Variants in ACSF3 observed in about 807,000 individuals in gnomAD.
ACSF3 encodes the protein acyl-CoA synthetase family member 3, also known as malonate--CoA ligase ACSF3, mitochondrial.
A neutral mutation model predicts 53.2 loss-of-function variants in ACSF3; 78 were observed. The observed-to-expected ratio is 1.47, with a 90% CI of 1.22 to 1.77. The LOEUF (loss-of-function observed/expected upper bound fraction) is 1.77. Among genes scored for constraint, ACSF3 ranks in the 40% most tolerant of loss-of-function variants. ACSF3 has a pLI of 0.00. For synonymous variants in ACSF3, 414 were observed against 333.1 expected (o/e 1.24, Z -2.65); for missense variants, 937 against 771.1 (o/e 1.22, Z -2.55).
At chr16:89,123,027 G>A (rs923809187) in intron 7 of ACSF3, among the ~76,000 whole-genome samples, 1 of 152,218 alleles carries the variant, frequency 6.6e-6, no homozygotes, top group African/African-American at 2.4e-5. Context: ...AGGTGAAGCC[G>A]CACAGATGCT....
rs901932797 is a variant in ACSF3 at position 89,101,002 on chromosome 16, C to T, written c.321C>T (p.Ser107=). The T allele has an allele frequency of 5.0e-6, 8 of 1,613,600 alleles. No individual in the cohort carries two copies. The African/African-American group carries it at 1.1e-4, about 22-fold the overall frequency. Residue 107 remains serine, a synonymous_variant, in exon 3 of 11, where the codon TCC becomes TCT. Transcript: ENST00000614302. The part of the protein sequence containing the change: ...RVSFLCANDA[S]YVVAQWASWM... ...CCTTCCTATGCGCTAACGATGCCTC[C>T]TACGTCGTGGCCCAGTGGGCGTCAT...
intron 7 of ACSF3, among the ~76,000 whole-genome samples, chr16:89,130,279 A>G (rs1337355323): frequency 6.6e-6 from 1 of 152,226 alleles, no homozygotes; most frequent in East Asian, 1.9e-4. Context: ...CACTTTAAAA[A>G]TATGATTCTT....
intron 6 of ACSF3, among the ~76,000 whole-genome samples, chr16:89,119,837 C>T (rs1427395900): frequency 2.6e-5 from 4 of 152,218 alleles, no homozygotes; most frequent in Non-Finnish European, 4.4e-5. Flanking sequence ...GAGGCCGGGA[C>T]GCCCCATGGA....
At chr16:89,136,605 G>C (rs1360410787) in intron 8 of ACSF3, 18 of 1,286,582 alleles carry the variant, frequency 1.4e-5, no homozygotes, top group Non-Finnish European at 1.7e-5. Context: ...GACAGCCAGG[G>C]ATGGCTGGAC....
At chr16:89,104,822 A>G (rs557234434) in intron 4 of ACSF3, among the ~76,000 whole-genome samples, 2 of 152,386 alleles carry the variant, frequency 1.3e-5, no homozygotes, top group South Asian at 2.1e-4. Flanking sequence ...ACTGGAGGCA[A>G]GGTCTCACAA....
chr16:89,153,032 G>C (rs1914290936), intron 10 of ACSF3: 1 of 152,530 alleles, frequency 6.6e-6, no homozygotes, highest in South Asian at 2.1e-4. Context: ...GGCAGGGGCA[G>C]GTGGGCAGGG....
chr16:89,145,515 C>T (rs1912757736), intron 9 of ACSF3, 114 bp downstream of exon 9: 12 of 1,288,748 alleles, frequency 9.3e-6, no homozygotes, highest in Non-Finnish European at 1.3e-5. Context: ...TGCAGGGGTC[C>T]CTGTGATGCT....
rs143358395 is a variant in ACSF3, at chr16:89,097,502, G to C, written c.-193-1089G>C. 4.9e-3 allele frequency among the ~76,000 whole-genome samples: 739 copies of C among 152,366 alleles called. 8 individuals carry two copies. The highest frequency in any genetic ancestry group is 0.042 in the South Asian group (203 of 4,834). On this transcript the variant is annotated intron_variant, in intron 1 of 10. Transcript: ENST00000614302. Reference sequence around the variant, plus strand: ...TCGGGGCCGTAACCCAGAGCACCCAGTGCCCAGTCGGTTTTCTGTGTGTGG... The same window carrying C: ...TCGGGGCCGTAACCCAGAGCACCCACTGCCCAGTCGGTTTTCTGTGTGTGG...
Position 89,156,089 on chromosome 16 carries a change from C to T in ACSF3, c.*1882C>T, listed in dbSNP as rs1914672665. Among the ~76,000 whole-genome samples the T allele has an allele frequency of 6.6e-6, 1 of 152,196 alleles. No homozygotes were observed. Among genetic ancestry groups the T allele is most frequent in the African/African-American group, 2.4e-5 (1 of 41,446 alleles). On this transcript the variant is annotated 3_prime_UTR_variant, in exon 11 of 11. Transcript: ENST00000614302. ...AGTGACTCTCCAGCTGGTCCCTGTG[C>T]CAGGCTGGTCGGCCTTCGTGCACAC...
rs1225201879 is a variant in ACSF3 at position 89,136,742 on chromosome 16, G to T, written c.1366+3480G>T. On this transcript the variant is annotated intron_variant, in intron 8 of 10. Coordinates refer to ENST00000614302, the MANE Select transcript of ACSF3 (RefSeq NM_001243279.3). Reference sequence around the variant, plus strand: ...TCCCCCACCTGCCTCTGTGCCTACAGCCCGCTTCTGCCTCAAGATCACACA... The same window carrying T: ...TCCCCCACCTGCCTCTGTGCCTACATCCCGCTTCTGCCTCAAGATCACACA... 8.5e-6 allele frequency: 11 copies of T among 1,287,162 alleles called. No homozygotes were observed. In the East Asian group the frequency reaches 5.5e-4, roughly 65 times the overall value. 79.7% of individuals were successfully genotyped at this position (1,287,162 alleles called of 1,614,324 possible).
intron 2 of ACSF3, among the ~76,000 whole-genome samples, chr16:89,099,873 G>A (rs1975065679): frequency 6.6e-6 from 1 of 151,044 alleles, no homozygotes; most frequent in African/African-American, 2.4e-5. Flanking sequence ...TGAGAGAGAG[G>A]AGAGAGAGAA....
chr16:89,139,602 T>C (rs1487892325), intron 8 of ACSF3, among the ~76,000 whole-genome samples: 5 of 147,870 alleles, frequency 3.4e-5, no homozygotes, highest in African/African-American at 1.0e-4. Flanking sequence ...TTTTTTTTTT[T>C]TTTTTTTTCG....
rs1018294858 is a variant in ACSF3, at chr16:89,098,635, G to C, written c.-149G>C. On this transcript the variant is annotated 5_prime_UTR_variant, in exon 2 of 11. Transcript: ENST00000614302. Reference sequence around the variant, plus strand: ...GGTTCCAGCGCCAGGCCTGGTGCCTGCCCCAGGAGGATGAGCATTTGCATT... The same window carrying C: ...GGTTCCAGCGCCAGGCCTGGTGCCTCCCCCAGGAGGATGAGCATTTGCATT... 5 of 453,968 alleles carry C rather than the reference G, an allele frequency of 1.1e-5. No individual in the cohort carries two copies. The highest frequency in any genetic ancestry group is 7.0e-5 in the Admixed American group (3 of 42,562). 28.1% of individuals were successfully genotyped at this position (453,968 alleles called of 1,614,324 possible).
rs762286480 is a variant in ACSF3 at position 89,102,695 on chromosome 16, C to T, written c.758C>T (p.Ala253Val). The change falls in exon 4 of 11, where the codon GCG (alanine) becomes GTG (valine). Residue 253 changes from alanine to valine, a missense_variant. By Grantham distance (64) the Ala-to-Val change is moderately conservative. Coordinates refer to ENST00000614302, the MANE Select transcript of ACSF3 (RefSeq NM_001243279.3). ...PLHHVHGVVNALLCPLWVGAT... is the reference protein window; with the variant it reads ...PLHHVHGVVNVLLCPLWVGAT... Reference sequence around the variant, plus strand: ...CACCACGTCCATGGTGTGGTCAACGCGCTGCTCTGTCCTCTCTGGGTGGGA... The same window carrying T: ...CACCACGTCCATGGTGTGGTCAACGTGCTGCTCTGTCCTCTCTGGGTGGGA... The T allele has an allele frequency of 3.2e-5, 51 of 1,613,738 alleles. No individual in the cohort carries two copies. In the Middle Eastern group the frequency reaches 4.9e-4, roughly 16 times the overall value.
chr16:89,142,574 C>G (rs938297973), intron 8 of ACSF3, among the ~76,000 whole-genome samples: 13 of 125,580 alleles, frequency 1.0e-4, no homozygotes, highest in Admixed American at 4.5e-4. Flanking sequence ...TGCAGACACA[C>G]CCACACCTGC....
rs538477243 is a variant in ACSF3 at position 89,144,201 on chromosome 16, C to T, written c.1367-1066C>T. ...GCAGCCCGCTCTTCCCGACTCCCCA[C>T]CCTCAGTGGCTGGTGGTGTCTGTGT... On this transcript the variant is annotated intron_variant, in intron 8 of 10. Coordinates refer to ENST00000614302, the MANE Select transcript of ACSF3 (RefSeq NM_001243279.3). Among the ~76,000 whole-genome samples, 98 of 152,366 alleles carry T rather than the reference C, an allele frequency of 6.4e-4. 3 individuals carry two copies. In the South Asian group the frequency reaches 0.016, roughly 25 times the overall value.
intron 3 of ACSF3, chr16:89,102,288 C>G (rs1305502639): frequency 7.0e-6 from 3 of 425,562 alleles, no homozygotes; most frequent in Non-Finnish European, 1.3e-5. Flanking sequence ...CCCTGAGTCC[C>G]AGGCTTGGGC....
rs1239031193 is a variant in ACSF3 at position 89,154,036 on chromosome 16, C to T, written c.1614-54C>T. On this transcript the variant is annotated intron_variant, in intron 10 of 10. Transcript: ENST00000614302. ...TCCGTACTGCTGGGCGCCTGAGTTC[C>T]TCCTGCTGGGCACTGTCAGGGCAGT... is the stretch of plus-strand genomic sequence containing the variant. The T allele has an allele frequency of 3.2e-6, 5 of 1,580,410 alleles. 1 individual carries two copies. The Admixed American group carries it at 5.1e-5, about 16-fold the overall frequency.
chr16:89,114,588 T>C, intron 6 of ACSF3, 101 bp downstream of exon 6: 1 of 1,550,562 alleles, frequency 6.4e-7, no homozygotes, highest in Non-Finnish European at 8.8e-7. Context: ...AAGGGCGGCA[T>C]GGAGGATGCT....
Sources: allele counts gnomAD v4.1 joint callset (sites outside exome capture counted in the v4.1 genomes callset), GRCh38; gene constraint gnomAD v4.1.1; transcripts MANE v1.5; gene names NCBI Gene and HGNC (gene_info 2026-07-23, HGNC 2026-07-21).